Variants in CELF2 observed in about 807,000 individuals in gnomAD.
The protein encoded by CELF2 is CUGBP Elav-like family member 2.
In CELF2, 8 loss-of-function variants were observed where a neutral mutation model predicts 62.6. That is an observed-to-expected ratio of 0.13 (90% CI 0.07 to 0.23). The LOEUF (loss-of-function observed/expected upper bound fraction) is 0.23, where lower values mean the gene tolerates loss of function less well. Among genes scored for constraint, CELF2 ranks in the 10% least tolerant of loss-of-function variants. The pLI, the probability that CELF2 is intolerant of heterozygous loss-of-function variation, is 1.00. For synonymous variants in CELF2, 258 were observed against 250.0 expected (o/e 1.03, Z -0.30); for missense variants, 333 against 671.0 (o/e 0.50, Z 5.56).
At chr10:10,610,756 C>A in the CELF2 span, among the ~76,000 whole-genome samples, 1 of 152,110 alleles carries the variant, frequency 6.6e-6, no homozygotes, top group South Asian at 2.1e-4. Flanking sequence ...AATAGTCAAA[C>A]TTGTTATTGA....
chr10:10,785,206 A>G, the CELF2 span, among the ~76,000 whole-genome samples: 2 of 152,074 alleles, frequency 1.3e-5, no homozygotes, highest in Non-Finnish European at 2.9e-5. Flanking sequence ...CACCGAACCC[A>G]CCCTTTACAT....
chr10:10,809,195 T>TC (rs2055577272), intron 1 of CELF2, among the ~76,000 whole-genome samples: 1 of 151,688 alleles, frequency 6.6e-6, no homozygotes, highest in Non-Finnish European at 1.5e-5. Context: ...GCCTCCCTCT[T>TC]TCTCTCTCTT....
Position 11,315,064 on chromosome 10 carries a change from C to T in CELF2, c.1096+806C>T, listed in dbSNP as rs1023907650. 3.9e-5 allele frequency among the ~76,000 whole-genome samples: 6 copies of T among 152,142 alleles called. No homozygotes were observed. Among genetic ancestry groups the T allele is most frequent in the East Asian group, 3.9e-4 (2 of 5,194 alleles). On this transcript the variant is annotated intron_variant, in intron 10 of 12. Coordinates refer to ENST00000633077, the MANE Select transcript of CELF2 (RefSeq NM_001326342.2). The surrounding 1 kb of genome is among the most constrained non-coding windows in gnomAD (Gnocchi z 5.8). The stretch of plus-strand genomic sequence containing the variant: ...ACAGCCCACCCGCTCCTGTCATTCT[C>T]GGTTGATGGGGGAGCAGTGTGCCGG...
chr10:10,693,762 T>G, the CELF2 span, among the ~76,000 whole-genome samples: 14 of 151,612 alleles, frequency 9.2e-5, no homozygotes, highest in South Asian at 1.5e-3. Flanking sequence ...GTCGAGGAAT[T>G]TATCCATTTC....
intron 1 of CELF2, among the ~76,000 whole-genome samples, chr10:10,894,764 G>A (rs752744311): frequency 1.5e-4 from 23 of 152,172 alleles, no homozygotes; most frequent in Non-Finnish European, 3.2e-4. Flanking sequence ...AACTTAGAGT[G>A]CAGGGCAGTA....
chr10:11,261,895 C>A (rs2138105701), intron 5 of CELF2, among the ~76,000 whole-genome samples: 1 of 152,322 alleles, frequency 6.6e-6, no homozygotes, highest in East Asian at 1.9e-4. Context: ...TGATCGACAG[C>A]ATCACCCTAG....
chr10:10,539,250 G>A, the CELF2 span, among the ~76,000 whole-genome samples: 1 of 152,158 alleles, frequency 6.6e-6, no homozygotes, highest in Non-Finnish European at 1.5e-5. Flanking sequence ...ATATTCTATG[G>A]GCTTTCAGTA....
the CELF2 span, among the ~76,000 whole-genome samples, chr10:10,663,519 T>A: frequency 6.6e-6 from 1 of 152,240 alleles, no homozygotes; most frequent in Non-Finnish European, 1.5e-5. Flanking sequence ...GTTCAAAGAA[T>A]GTTTATGTCA....
At chr10:10,811,319 G>C (rs1429693525) in intron 1 of CELF2, among the ~76,000 whole-genome samples, 2 of 152,184 alleles carry the variant, frequency 1.3e-5, no homozygotes, top group African/African-American at 4.8e-5. Flanking sequence ...GCTTTATAGA[G>C]ATGACCAGGC....
chr10:10,855,801 T>A (rs753234963), intron 1 of CELF2, among the ~76,000 whole-genome samples: 2 of 152,214 alleles, frequency 1.3e-5, no homozygotes, highest in Non-Finnish European at 2.9e-5. Flanking sequence ...GTATCTACTA[T>A]GTGCCAGTAA....
At chr10:10,510,115 T>C in the CELF2 span, among the ~76,000 whole-genome samples, 1 of 152,248 alleles carries the variant, frequency 6.6e-6, no homozygotes, top group African/African-American at 2.4e-5. Flanking sequence ...ATCCAACCCA[T>C]AATTGCCTTT....
chr10:10,796,888 A>C, upstream of CELF2: 1 of 985,132 alleles, frequency 1.0e-6, no homozygotes, highest in Non-Finnish European at 1.2e-6. Flanking sequence ...CAGAAAGGCA[A>C]TGATTTTTGT....
chr10:10,659,232 G>C, the CELF2 span, among the ~76,000 whole-genome samples: 3 of 152,136 alleles, frequency 2.0e-5, no homozygotes, highest in Non-Finnish European at 4.4e-5. Context: ...ATATTAAAGA[G>C]ATGTGCCCCA....
intron 1 of CELF2, among the ~76,000 whole-genome samples, chr10:11,047,691 A>T (rs1035754922): frequency 6.6e-6 from 1 of 152,202 alleles, no homozygotes; most frequent in Non-Finnish European, 1.5e-5. Context: ...AGAAGATTTA[A>T]AGTAGTGATG....
intron 2 of CELF2, among the ~76,000 whole-genome samples, chr10:10,969,020 G>GTAACCTTA (rs2050464699): frequency 6.6e-6 from 1 of 152,082 alleles, no homozygotes; most frequent in Admixed American, 6.6e-5. Flanking sequence ...TTTCTGATAG[G>GTAACCTTA]GATAACAGCT....
At chr10:10,910,364 G>C (rs369504421) in intron 1 of CELF2, among the ~76,000 whole-genome samples, 1 of 152,082 alleles carries the variant, frequency 6.6e-6, no homozygotes, top group African/African-American at 2.4e-5. Context: ...ACTTCTGTTG[G>C]TTTGTTTTGG....
the CELF2 span, among the ~76,000 whole-genome samples, chr10:10,670,796 C>G: frequency 6.6e-6 from 1 of 152,164 alleles, no homozygotes; most frequent in East Asian, 1.9e-4. Flanking sequence ...TTTACTGTCT[C>G]CATAGTTTTG....
At chr10:11,120,127 G>A (rs752949789) in intron 1 of CELF2, among the ~76,000 whole-genome samples, 4 of 152,102 alleles carry the variant, frequency 2.6e-5, no homozygotes, top group Non-Finnish European at 4.4e-5. Context: ...TGAGCATGTC[G>A]TGTGTGTCAA....
At chr10:10,686,710 G>A in the CELF2 span, among the ~76,000 whole-genome samples, 2,453 of 152,126 alleles carry the variant, frequency 0.016, 32 homozygotes, top group African/African-American at 0.038. Context: ...CCATGATCGT[G>A]AGTTGCCTGA....
Sources: gnomAD v4.1 joint callset for allele counts (sites outside exome capture counted in the v4.1 genomes callset) on GRCh38, gnomAD v4.1.1 for gene constraint, Gnocchi (gnomAD v3.1) non-coding constraint, MANE v1.5 for transcripts, NCBI Gene and HGNC (gene_info 2026-07-23, HGNC 2026-07-21) for gene names.